CCNY: variants seen among roughly 807,000 people sequenced by gnomAD.
CCNY encodes cyclin-Y.
Under a neutral mutation model 42.8 loss-of-function variants are expected in CCNY, and 19 were observed. The ratio of observed to expected loss-of-function variants is 0.44; its 90% CI spans 0.31 to 0.65. The LOEUF (loss-of-function observed/expected upper bound fraction) is 0.65. Among genes scored for constraint, CCNY ranks in the 30% least tolerant of loss-of-function variants. The probability of loss-of-function intolerance (pLI) is 0.07; values close to 1 mark genes in which losing one functional copy is unlikely to be tolerated. For missense variants in CCNY, 370 were observed against 437.3 expected, an observed-to-expected ratio of 0.85 and a Z score of 1.37; for synonymous variants, 165 against 162.7, an observed-to-expected ratio of 1.01 and a Z score of -0.11.
chr10:35,470,260 G>C (rs1839364754), intron 1 of CCNY, among the ~76,000 whole-genome samples: 1 of 152,144 alleles, frequency 6.6e-6, no homozygotes, highest in African/African-American at 2.4e-5. Context: ...CAGGGCGATG[G>C]AAAGACGGAC....
chr10:35,485,724 C>CAAAAAAAAAAAAAAAAAA (rs60570748), intron 2 of CCNY, among the ~76,000 whole-genome samples: 1 of 97,784 alleles, frequency 1.0e-5, no homozygotes, highest in African/African-American at 3.7e-5. Flanking sequence ...GACTCCGTCT[C>CAAAAAAAAAAAAAAAAAA]AAAAAAAAAA....
rs577706726 is a variant in CCNY, at chr10:35,385,306, C to T, written c.154+48099C>T. On this transcript the variant is annotated intron_variant, in intron 1 of 9. Coordinates refer to ENST00000374704, the MANE Select transcript of CCNY (RefSeq NM_145012.6). Reference sequence around the variant, plus strand: ...GTGATTAACCCAGAGCAGGGATATGCGAGTGGTCTCCCTCCCTCCCTCACC... The same window carrying T: ...GTGATTAACCCAGAGCAGGGATATGTGAGTGGTCTCCCTCCCTCCCTCACC... Among the ~76,000 whole-genome samples, 11 of 152,296 alleles carry T rather than the reference C, an allele frequency of 7.2e-5. No homozygotes were observed. The East Asian group carries it at 7.7e-4, about 11-fold the overall frequency.
rs376513230 is a variant in CCNY at position 35,473,849 on chromosome 10, G to A, written c.155-9555G>A. On this transcript the variant is annotated intron_variant, in intron 1 of 9. Transcript: ENST00000374704. ...TACAGCTCCCAGCCTGAGCGACGCA[G>A]AAGACGGGTGATTTCTGCATTTCCA... 5.4e-3 allele frequency among the ~76,000 whole-genome samples: 818 copies of A among 152,262 alleles called. 10 individuals are homozygous for A. The highest frequency in any genetic ancestry group is 0.019 in the African/African-American group (778 of 41,548).
At chr10:35,410,733 C>G (rs1320923295) in intron 1 of CCNY, among the ~76,000 whole-genome samples, 1 of 152,166 alleles carries the variant, frequency 6.6e-6, no homozygotes, top group Non-Finnish European at 1.5e-5. Flanking sequence ...GAGGGTTGTT[C>G]CAAGGACAGG....
At chr10:35,521,898 A>G (rs973430238) in intron 4 of CCNY, among the ~76,000 whole-genome samples, 3 of 152,176 alleles carry the variant, frequency 2.0e-5, no homozygotes, top group African/African-American at 7.2e-5. Flanking sequence ...TGACCGGCAC[A>G]GCTAAGCTGA....
intron 1 of CCNY, among the ~76,000 whole-genome samples, chr10:35,472,141 G>T: frequency 6.6e-6 from 1 of 152,122 alleles, no homozygotes; most frequent in South Asian, 2.1e-4. Context: ...CTATTGTGTG[G>T]TGGACATCCT....
At chr10:35,523,037 A>C (rs978456317) in intron 4 of CCNY, among the ~76,000 whole-genome samples, 1 of 152,130 alleles carries the variant, frequency 6.6e-6, no homozygotes, top group African/African-American at 2.4e-5. Context: ...TGACTTACAC[A>C]GGTTTGAGTC....
chr10:35,548,343 G>T (rs1182690343), intron 7 of CCNY, among the ~76,000 whole-genome samples: 1 of 149,140 alleles, frequency 6.7e-6, no homozygotes, highest in Admixed American at 6.7e-5. Flanking sequence ...GTGTCACCCA[G>T]GCTGGAGTGC....
chr10:35,392,423 A>G (rs1837433876), intron 1 of CCNY, among the ~76,000 whole-genome samples: 1 of 152,214 alleles, frequency 6.6e-6, no homozygotes, highest in South Asian at 2.1e-4. Flanking sequence ...ACTAAATGCT[A>G]TTAAAAAAAT....
chr10:35,502,265 C>T (rs997114312), intron 3 of CCNY, among the ~76,000 whole-genome samples: 6 of 152,122 alleles, frequency 3.9e-5, no homozygotes, highest in Non-Finnish European at 7.4e-5. Flanking sequence ...AGAAAACTCT[C>T]CGAGAGGGAT....
intron 1 of CCNY, among the ~76,000 whole-genome samples, chr10:35,379,858 G>C (rs939201416): frequency 1.2e-4 from 18 of 152,318 alleles, no homozygotes; most frequent in African/African-American, 3.8e-4. Flanking sequence ...ACAGATGATG[G>C]AGCCGTCTAT....
intron 8 of CCNY, among the ~76,000 whole-genome samples, chr10:35,561,195 G>T (rs1841458996): frequency 6.6e-6 from 1 of 152,164 alleles, no homozygotes; most frequent in Non-Finnish European, 1.5e-5. Context: ...AAGTCCCCAA[G>T]ATCCTAGAAT....
At chr10:35,353,222 TG>T (rs1342362595) in intron 1 of CCNY, among the ~76,000 whole-genome samples, 2 of 152,132 alleles carry the variant, frequency 1.3e-5, no homozygotes. Flanking sequence ...CTACCACACG[TG>T]GTGGGTATAT....
chr10:35,249,245 A>T (rs2095710209), intron 2 of CCNY, among the ~76,000 whole-genome samples: 1 of 152,182 alleles, frequency 6.6e-6, no homozygotes, highest in Non-Finnish European at 1.5e-5. Flanking sequence ...CCCTGCCAAC[A>T]CTAGGTTTTT....
chr10:35,308,066 C>T (rs971447115), intron 3 of CCNY, among the ~76,000 whole-genome samples: 1 of 151,864 alleles, frequency 6.6e-6, no homozygotes, highest in African/African-American at 2.4e-5. Context: ...ATCCACCCGC[C>T]TCGGCCTCCC....
rs868407511 is a variant in CCNY at position 35,460,632 on chromosome 10, G to A, written c.155-22772G>A. ...GAAGAGAAAAAAGAAAATACCTTTAGCAGGAGCTCAGAGGAAATAATCAGC... is the reference window on the plus strand; with the variant it reads ...GAAGAGAAAAAAGAAAATACCTTTAACAGGAGCTCAGAGGAAATAATCAGC... On this transcript the variant is annotated intron_variant, in intron 1 of 9. Coordinates refer to ENST00000374704, the MANE Select transcript of CCNY (RefSeq NM_145012.6). Among the ~76,000 whole-genome samples the A allele has an allele frequency of 4.0e-4, 61 of 152,184 alleles. 1 individual carries two copies. The highest frequency in any genetic ancestry group is 6.3e-3 in the Middle Eastern group (2 of 316).
chr10:35,565,074 T>C (rs1841541988), intron 8 of CCNY, among the ~76,000 whole-genome samples: 1 of 152,138 alleles, frequency 6.6e-6, no homozygotes, highest in South Asian at 2.1e-4. Flanking sequence ...CACAGATAGT[T>C]CCCTCACTGA....
At chr10:35,481,962 A>G (rs1208164052) in intron 1 of CCNY, among the ~76,000 whole-genome samples, 1 of 152,210 alleles carries the variant, frequency 6.6e-6, no homozygotes, top group Non-Finnish European at 1.5e-5. Flanking sequence ...TTTGACTCTG[A>G]AATTATTGTG....
At chr10:35,476,141 C>T (rs555102698) in intron 1 of CCNY, among the ~76,000 whole-genome samples, 36 of 152,250 alleles carry the variant, frequency 2.4e-4, no homozygotes, top group African/African-American at 8.2e-4. Flanking sequence ...AAAGCAAGTC[C>T]TGAGTGACCT....
Sources: allele counts gnomAD v4.1 joint callset (sites outside exome capture counted in the v4.1 genomes callset), GRCh38; gene constraint gnomAD v4.1.1; transcripts MANE v1.5; gene names NCBI Gene and HGNC (gene_info 2026-07-23, HGNC 2026-07-21).